GOLGA4: variants seen among roughly 807,000 people sequenced by gnomAD.
GOLGA4 encodes the protein golgin subfamily A member 4.
Under a neutral mutation model 265.9 loss-of-function variants are expected in GOLGA4, and 169 were observed. The ratio of observed to expected loss-of-function variants is 0.64; its 90% CI spans 0.56 to 0.72. The LOEUF is 0.72. GOLGA4 is among the 30% of genes least tolerant of loss of function. The probability of loss-of-function intolerance (pLI) is 0.00; values close to 1 mark genes in which losing one functional copy is unlikely to be tolerated. For synonymous variants in GOLGA4, 923 were observed against 855.8 expected (o/e 1.08, Z -1.37); for missense variants, 2,482 against 2,483.4 (o/e 1.00, Z 0.01).
intron 2 of GOLGA4, among the ~76,000 whole-genome samples, chr3:37,256,999 A>C (rs1364364139): frequency 6.6e-6 from 1 of 152,124 alleles, no homozygotes. Flanking sequence ...CCAGTGTTGT[A>C]CATTCATCAC....
At chr3:37,340,930 G>A (rs1021650428) in intron 20 of GOLGA4, among the ~76,000 whole-genome samples, 11 of 152,150 alleles carry the variant, frequency 7.2e-5, no homozygotes, top group African/African-American at 2.7e-4. Flanking sequence ...CACTTTGGGG[G>A]GCTGAGGCAG....
chr3:37,302,496 CTG>C (rs1260407553), intron 10 of GOLGA4, among the ~76,000 whole-genome samples, 164 bp downstream of exon 10: 12 of 152,392 alleles, frequency 7.9e-5, no homozygotes, highest in African/African-American at 2.9e-4. Flanking sequence ...GGTTGGCAAA[CTG>C]TGGCCTGTGG....
At chr3:37,341,386 C>T (rs1448305451) in intron 20 of GOLGA4, among the ~76,000 whole-genome samples, 1 of 152,144 alleles carries the variant, frequency 6.6e-6, no homozygotes, top group Non-Finnish European at 1.5e-5. Flanking sequence ...CTATGGGAAG[C>T]ATGAGGACAT....
At chr3:37,267,569 T>C (rs1360085303) in intron 2 of GOLGA4, among the ~76,000 whole-genome samples, 1 of 152,222 alleles carries the variant, frequency 6.6e-6, no homozygotes, top group Non-Finnish European at 1.5e-5. Flanking sequence ...TCTGGTAAGC[T>C]CATAATTTAG....
At chr3:37,344,628 T>C (rs1477718165) in intron 20 of GOLGA4, among the ~76,000 whole-genome samples, 1 of 151,504 alleles carries the variant, frequency 6.6e-6, no homozygotes, top group Admixed American at 6.6e-5. Flanking sequence ...CCACCATGCC[T>C]AACCTTCACT....
At chr3:37,340,574 C>T (rs190268392) in intron 20 of GOLGA4, among the ~76,000 whole-genome samples, 29 of 152,288 alleles carry the variant, frequency 1.9e-4, no homozygotes, top group African/African-American at 6.5e-4. Context: ...CTTATTCTTC[C>T]TTATTGAACT....
intron 2 of GOLGA4, among the ~76,000 whole-genome samples, chr3:37,263,701 G>A (rs138247917): frequency 5.9e-5 from 9 of 152,260 alleles, no homozygotes; most frequent in Admixed American, 2.6e-4. Context: ...ATATACACAC[G>A]CATATATATA....
intron 2 of GOLGA4, among the ~76,000 whole-genome samples, chr3:37,277,457 G>T (rs1017794896): frequency 2.6e-5 from 4 of 152,196 alleles, no homozygotes; most frequent in Non-Finnish European, 4.4e-5. Flanking sequence ...TCTTAGTGTA[G>T]TATAGCTATT....
intron 11 of GOLGA4, among the ~76,000 whole-genome samples, chr3:37,316,882 C>T (rs1219357873): frequency 6.6e-6 from 1 of 151,492 alleles, no homozygotes; most frequent in Non-Finnish European, 1.5e-5. Context: ...AACTTAAAAA[C>T]CACATGGACA....
intron 20 of GOLGA4, among the ~76,000 whole-genome samples, chr3:37,341,179 A>C (rs1056086586): frequency 4.6e-5 from 7 of 152,152 alleles, no homozygotes; most frequent in African/African-American, 1.7e-4. Context: ...CAGGGATTAC[A>C]GGCATGAGCT....
intron 3 of GOLGA4, among the ~76,000 whole-genome samples, chr3:37,285,653 TTC>T (rs2096846515): frequency 6.6e-6 from 1 of 152,226 alleles, no homozygotes; most frequent in African/African-American, 2.4e-5. Flanking sequence ...GCCCAAGAAT[TTC>T]TGTTTCAAGC....
intron 2 of GOLGA4, among the ~76,000 whole-genome samples, chr3:37,277,975 G>T (rs1314333453): frequency 6.6e-6 from 1 of 152,076 alleles, no homozygotes; most frequent in Non-Finnish European, 1.5e-5. Context: ...GTTAAGAATT[G>T]GCCCACTGGT....
chr3:37,309,191 G>A (rs754073752), intron 10 of GOLGA4, among the ~76,000 whole-genome samples: 81 of 151,646 alleles, frequency 5.3e-4, no homozygotes, highest in Admixed American at 1.2e-3. Flanking sequence ...GGTGGAGGTT[G>A]CAGTGAGCCA....
In GOLGA4 at chr3:37,329,065, C is replaced by T. The variant is rs751324538; in HGVS notation, c.6164C>T (p.Thr2055Ile). ...GAGAAAGATGATGATCTAAAACGAA[C>T]AGCCAAAAGATATGAAGAAATCCTT... Reference protein sequence around the residue: ...IAEKDDDLKRTAKRYEEILDA... With the variant: ...IAEKDDDLKRIAKRYEEILDA... Residue 2055 changes from threonine (T) to isoleucine (I), a missense_variant, in exon 16 of 24, where the codon ACA (threonine) becomes ATA (isoleucine). Coordinates refer to ENST00000361924, the MANE Select transcript of GOLGA4 (RefSeq NM_002078.5). 1.2e-6 allele frequency: 2 copies of T among 1,609,042 alleles called. No individual in the cohort carries two copies. Among genetic ancestry groups the T allele is most frequent in the South Asian group, 2.2e-5 (2 of 90,172 alleles).
chr3:37,313,604 G>C (rs1401539929), intron 10 of GOLGA4: 1 of 152,074 alleles, frequency 6.6e-6, no homozygotes, highest in Non-Finnish European at 1.5e-5. Flanking sequence ...CTTCTGTGAG[G>C]ACTAAAGGAA....
chr3:37,266,786 G>A (rs2096784945), intron 2 of GOLGA4: 3 of 835,002 alleles, frequency 3.6e-6, no homozygotes, highest in Admixed American at 4.8e-5. Flanking sequence ...ATTATGATTT[G>A]TTTTTCATCA....
intron 22 of GOLGA4, among the ~76,000 whole-genome samples, chr3:37,360,259 T>C (rs2097100950): frequency 6.6e-6 from 1 of 152,226 alleles, no homozygotes; most frequent in African/African-American, 2.4e-5. Context: ...TGTATGATTA[T>C]ATGGATGTCC....
At chr3:37,280,955 C>T (rs1056399346) in intron 2 of GOLGA4, among the ~76,000 whole-genome samples, 6 of 152,182 alleles carry the variant, frequency 3.9e-5, no homozygotes, top group African/African-American at 1.4e-4. Context: ...AAACTCTAGA[C>T]TGAAGAGAAT....
At chr3:37,340,814 G>A (rs921398470) in intron 20 of GOLGA4, among the ~76,000 whole-genome samples, 2 of 152,152 alleles carry the variant, frequency 1.3e-5, no homozygotes, top group African/African-American at 4.8e-5. Flanking sequence ...ATTCCATGTG[G>A]TTAATCTGTT....
Sources: gnomAD v4.1 joint callset for allele counts (sites outside exome capture counted in the v4.1 genomes callset) on GRCh38, gnomAD v4.1.1 for gene constraint, MANE v1.5 for transcripts, NCBI Gene and HGNC (gene_info 2026-07-23, HGNC 2026-07-21) for gene names.